SIM1: variants seen among roughly 807,000 people sequenced by gnomAD.
SIM1 encodes single-minded homolog 1.
SIM1 carries 18 observed loss-of-function variants against 78.2 expected under a neutral mutation model. The ratio of observed to expected loss-of-function variants is 0.23; its 90% CI spans 0.16 to 0.34. The LOEUF (loss-of-function observed/expected upper bound fraction) is 0.34. Ranked by LOEUF, SIM1 falls within the 10% of genes least tolerant of loss-of-function variation. SIM1 has a pLI of 1.00. For synonymous variants in SIM1, 417 were observed against 385.2 expected (o/e 1.08, Z -0.97); for missense variants, 939 against 975.1 (o/e 0.96, Z 0.49).
At chr6:100,394,234 T>C (rs1353901211) in intron 10 of SIM1, among the ~76,000 whole-genome samples, 2 of 152,156 alleles carry the variant, frequency 1.3e-5, no homozygotes, top group East Asian at 3.9e-4. Context: ...GCTATTAGTA[T>C]CCCCAGTTTA....
chr6:100,407,820 T>A (rs1771088826), intron 10 of SIM1, among the ~76,000 whole-genome samples: 2 of 152,128 alleles, frequency 1.3e-5, no homozygotes, highest in Admixed American at 6.6e-5. Context: ...TTCTTTTTTC[T>A]GCTTTTCTCT....
At chr6:100,414,852 G>A (rs1332086132) in intron 10 of SIM1, among the ~76,000 whole-genome samples, 1 of 152,188 alleles carries the variant, frequency 6.6e-6, no homozygotes, top group Non-Finnish European at 1.5e-5. Context: ...CCTTTGCAAA[G>A]GAAGAGTTTC....
chr6:100,412,732 AAAG>A (rs1166992479), intron 10 of SIM1, among the ~76,000 whole-genome samples: 11 of 141,500 alleles, frequency 7.8e-5, no homozygotes, highest in South Asian at 2.2e-4. Context: ...AGAAAGAAAG[AAAG>A]AAAGAAAGAA....
At position 100,430,366 on chromosome 6, in the gene SIM1, T is replaced by A. The variant is rs539634574; in HGVS notation, c.999-9408A>T. Reference sequence around the variant, plus strand: ...AGGGTGTTGGTCTTTAATAGTTAGATCTGAATAAACACAAAATATGCTGCC... The same window carrying A: ...AGGGTGTTGGTCTTTAATAGTTAGAACTGAATAAACACAAAATATGCTGCC... On this transcript the variant is annotated intron_variant, in intron 9 of 11. Coordinates refer to ENST00000369208, the MANE Select transcript of SIM1 (RefSeq NM_005068.3). Among the ~76,000 whole-genome samples the A allele has an allele frequency of 5.3e-5, 8 of 152,316 alleles. No individual in the cohort carries two copies. The South Asian group carries it at 1.7e-3, about 32-fold the overall frequency.
intron 3 of SIM1, among the ~76,000 whole-genome samples, chr6:100,451,339 G>A (rs1772508223): frequency 6.6e-6 from 1 of 152,208 alleles, no homozygotes; most frequent in Non-Finnish European, 1.5e-5. Context: ...AGTCTGCTGG[G>A]TCTGGGGATA....
At chr6:100,457,148 C>T (rs1772686201) in intron 2 of SIM1, among the ~76,000 whole-genome samples, 1 of 152,202 alleles carries the variant, frequency 6.6e-6, no homozygotes, top group Non-Finnish European at 1.5e-5. Context: ...ATATTACAGA[C>T]CCGACATCAT....
chr6:100,451,689 G>T (rs1772516186), intron 3 of SIM1, among the ~76,000 whole-genome samples: 1 of 152,174 alleles, frequency 6.6e-6, no homozygotes, highest in Non-Finnish European at 1.5e-5. Flanking sequence ...TTCAAAGATG[G>T]TTCTGGATAT....
rs772202157 is a variant in SIM1 at position 100,393,619 on chromosome 6, C to T, written c.1438G>A (p.Gly480Arg). Residue 480 changes from glycine (G) to arginine (R), a missense_variant, in exon 11 of 12, where the codon GGA becomes AGA. This residue lies in a region of SIM1 where 556 missense variants were observed against 521.9 expected (regional missense o/e 1.07). Transcript: ENST00000369208. ...GGCTCCCTCCCGGCCTGCGGCGTTC[C>T]CAGGAAGTACCTGCCTGCCTCACAT... Reference protein sequence around the residue: ...GRCEAGRYFLGTPQAGREPWW... With the variant: ...GRCEAGRYFLRTPQAGREPWW... 5.6e-6 allele frequency: 9 copies of T among 1,614,144 alleles called. No individual in the cohort carries two copies. Among genetic ancestry groups the T allele is most frequent in the Non-Finnish European group, 7.6e-6 (9 of 1,179,944 alleles).
rs1491411632 is a variant in SIM1 at position 100,412,593 on chromosome 6, AAG to A, written c.1167+8195_1167+8196del. 1.5e-3 allele frequency among the ~76,000 whole-genome samples: 157 copies of A among 107,786 alleles called. 7 individuals carry two copies. The highest frequency in any genetic ancestry group is 3.1e-3 in the African/African-American group (102 of 32,590). 70.7% of individuals were successfully genotyped at this position (107,786 alleles called of 152,430 possible). A position where few individuals can be genotyped will look rare whatever the true frequency, so the allele number is the denominator to read the frequency against. The stretch of plus-strand genomic sequence containing the variant: ...AAAGAAAGAAAGAAAGAAAGAAAGA[AAG>A]AAAGAAAGAAAGAAAGGAAAGAAAG... On this transcript the variant is annotated intron_variant, in intron 10 of 11. Transcript: ENST00000369208.
intron 9 of SIM1, among the ~76,000 whole-genome samples, chr6:100,430,797 C>G (rs1035297845): frequency 6.6e-6 from 1 of 152,150 alleles, no homozygotes; most frequent in African/African-American, 2.4e-5. Flanking sequence ...GCTTTCCTAT[C>G]TAGTTCTTAG....
intron 10 of SIM1, among the ~76,000 whole-genome samples, chr6:100,401,697 G>A (rs938934362): frequency 6.6e-6 from 1 of 152,092 alleles, no homozygotes; most frequent in Non-Finnish European, 1.5e-5. Flanking sequence ...TTTTCTTAAA[G>A]TATGTAATCA....
intron 9 of SIM1, among the ~76,000 whole-genome samples, chr6:100,436,899 G>A (rs1488176838): frequency 2.0e-5 from 3 of 151,610 alleles, no homozygotes; most frequent in Non-Finnish European, 4.4e-5. Flanking sequence ...CACCACACCC[G>A]GTTAATTTTT....
At chr6:100,404,348 G>GT (rs1771001866) in intron 10 of SIM1, among the ~76,000 whole-genome samples, 1 of 152,086 alleles carries the variant, frequency 6.6e-6, no homozygotes, top group Non-Finnish European at 1.5e-5. Flanking sequence ...GCTCATTGAG[G>GT]TTTTTATCAT....
chr6:100,413,294 A>C (rs1315003469), intron 10 of SIM1, among the ~76,000 whole-genome samples: 1 of 151,760 alleles, frequency 6.6e-6, no homozygotes, highest in Non-Finnish European at 1.5e-5. Context: ...CCATCCATTC[A>C]CTCATGCACT....
chr6:100,410,923 C>T (rs555599311), intron 10 of SIM1, among the ~76,000 whole-genome samples: 1 of 152,262 alleles, frequency 6.6e-6, no homozygotes, highest in Non-Finnish European at 1.5e-5. Flanking sequence ...AGGAACATGA[C>T]CCTCACAAGG....
At chr6:100,406,258 G>C (rs1456441811) in intron 10 of SIM1, among the ~76,000 whole-genome samples, 3 of 152,126 alleles carry the variant, frequency 2.0e-5, no homozygotes, top group East Asian at 1.9e-4. Flanking sequence ...TGATCCTTTT[G>C]CTGATGCTCT....
At chr6:100,406,812 C>T (rs776111886) in intron 10 of SIM1, among the ~76,000 whole-genome samples, 7 of 151,432 alleles carry the variant, frequency 4.6e-5, no homozygotes, top group Non-Finnish European at 8.9e-5. Flanking sequence ...CGTCACCTCA[C>T]ATCGTTACCT....
At position 100,407,119 on chromosome 6, in the gene SIM1, T is replaced by C. The variant is rs78690032; in HGVS notation, c.1168-13230A>G. Reference sequence around the variant, plus strand: ...TCACTTAGCATGATTATCCATTTTTTTGCAAATGACAGAATTTCCTTCTTT... The same window carrying C: ...TCACTTAGCATGATTATCCATTTTTCTGCAAATGACAGAATTTCCTTCTTT... On this transcript the variant is annotated intron_variant, in intron 10 of 11. Coordinates refer to ENST00000369208, the MANE Select transcript of SIM1 (RefSeq NM_005068.3). 3.1e-3 allele frequency among the ~76,000 whole-genome samples: 469 copies of C among 152,326 alleles called. 1 individual carries two copies. The highest frequency in any genetic ancestry group is 0.011 in the African/African-American group (454 of 41,578).
intron 2 of SIM1, 104 bp downstream of exon 2, chr6:100,463,190 A>G (rs1772899272): frequency 2.0e-6 from 2 of 984,122 alleles, no homozygotes; most frequent in Admixed American, 3.0e-5. Flanking sequence ...CAAAATATAT[A>G]TGTAAATATG....
Sources: allele counts gnomAD v4.1 joint callset (sites outside exome capture counted in the v4.1 genomes callset), GRCh38; gene constraint gnomAD v4.1.1; regional missense constraint gnomAD v4.1.1; transcripts MANE v1.5; gene names NCBI Gene and HGNC (gene_info 2026-07-23, HGNC 2026-07-21).